Variants in STOM observed in about 807,000 individuals in gnomAD.
STOM encodes erythrocyte band 7 integral membrane protein.
A neutral mutation model predicts 30.6 loss-of-function variants in STOM; 25 were observed. The ratio of observed to expected loss-of-function variants is 0.82; its 90% CI spans 0.60 to 1.14. STOM has a LOEUF of 1.14. STOM is among the 50% of genes most tolerant of loss of function. The probability of loss-of-function intolerance (pLI) is 0.00; values close to 1 mark genes in which losing one functional copy is unlikely to be tolerated. For synonymous variants in STOM, 118 were observed against 130.8 expected (o/e 0.90, Z 0.67); for missense variants, 292 against 365.2 (o/e 0.80, Z 1.63).
chr9:121,367,074 A>C (rs1471137079), intron 1 of STOM, among the ~76,000 whole-genome samples: 2 of 152,194 alleles, frequency 1.3e-5, no homozygotes, highest in Admixed American at 1.3e-4. Flanking sequence ...CCCGGTCTCA[A>C]AAAGAAAAAG....
In STOM at chr9:121,339,827, A is replaced by C; in HGVS notation, c.*1375T>G. 2.5e-6 allele frequency: 3 copies of C among 1,198,880 alleles called. No homozygotes were observed. Among genetic ancestry groups the C allele is most frequent in the Non-Finnish European group, 3.1e-6 (3 of 967,918 alleles). The allele number at this position is 1,198,880 out of a possible 1,614,324, so 74.3% of individuals were successfully genotyped here. On this transcript the variant is annotated 3_prime_UTR_variant, in exon 7 of 7. Coordinates refer to ENST00000286713, the MANE Select transcript of STOM (RefSeq NM_004099.6). The stretch of plus-strand genomic sequence containing the variant: ...GATAGAAGAATGACTAGGTAAATTT[A>C]AAAAGACCTACATCTATATAGATAT...
chr9:121,349,431 A>G, intron 4 of STOM, 108 bp from the exon 5 acceptor site: 1 of 874,194 alleles, frequency 1.1e-6, no homozygotes, highest in South Asian at 1.8e-5. Flanking sequence ...GATTTTCTTT[A>G]GTAAGGCATC....
chr9:121,353,898 G>A (rs1321061573), intron 3 of STOM, among the ~76,000 whole-genome samples: 1 of 152,202 alleles, frequency 6.6e-6, no homozygotes, highest in East Asian at 1.9e-4. Flanking sequence ...CCTTGACTCA[G>A]CCTACGACTA....
chr9:121,365,177 G>A (rs1036218947), intron 1 of STOM, among the ~76,000 whole-genome samples: 1 of 152,006 alleles, frequency 6.6e-6, no homozygotes, highest in African/African-American at 2.4e-5. Flanking sequence ...AAGACAAACT[G>A]AAACAGCAGA....
chr9:121,339,798 A>G lies in STOM; in HGVS notation c.*1404T>C. 8.2e-7 allele frequency: 1 copy of G among 1,215,284 alleles called. No homozygotes were observed. Among genetic ancestry groups the G allele is most frequent in the Non-Finnish European group, 1.0e-6 (1 of 978,232 alleles). The allele number at this position is 1,215,284 out of a possible 1,614,324, so 75.3% of individuals were successfully genotyped here. A position where few individuals can be genotyped will look rare whatever the true frequency, so the allele number is the denominator to read the frequency against. On this transcript the variant is annotated 3_prime_UTR_variant, in exon 7 of 7. Coordinates refer to ENST00000286713, the MANE Select transcript of STOM (RefSeq NM_004099.6). ...CCAGTTCCTCTTTCAGCATCAATATACATGATAGAAGAATGACTAGGTAAA... is the reference window on the plus strand; with the variant it reads ...CCAGTTCCTCTTTCAGCATCAATATGCATGATAGAAGAATGACTAGGTAAA...
intron 6 of STOM, 30 bp downstream of exon 6, chr9:121,347,985 T>G: frequency 6.3e-7 from 1 of 1,578,268 alleles, no homozygotes; most frequent in Non-Finnish European, 8.6e-7. Context: ...GAAAACTCAG[T>G]AAGAAAAACA....
chr9:121,357,098 G>T (rs1564631169), intron 1 of STOM, among the ~76,000 whole-genome samples: 1 of 152,272 alleles, frequency 6.6e-6, no homozygotes, highest in East Asian at 1.9e-4. Flanking sequence ...GTTGTTTAGA[G>T]CCTCTTTTTA....
chr9:121,357,452 T>TATATA (rs1428744396), intron 1 of STOM, among the ~76,000 whole-genome samples: 4 of 144,660 alleles, frequency 2.8e-5, no homozygotes, highest in South Asian at 2.3e-4. Context: ...TATTTATTTA[T>TATATA]TTTTTGAGAC....
intron 1 of STOM, among the ~76,000 whole-genome samples, chr9:121,363,951 G>A (rs1282780040): frequency 6.6e-6 from 1 of 152,170 alleles, no homozygotes; most frequent in African/African-American, 2.4e-5. Context: ...GGTAGAGTAA[G>A]TGAATATAAA....
At chr9:121,355,248 A>T (rs306786) in intron 2 of STOM, among the ~76,000 whole-genome samples, 10,023 of 130,818 alleles carry the variant, frequency 0.077, 422 homozygotes, top group Middle Eastern at 0.12. Context: ...AAAAAAAAAA[A>T]AATAATAATA....
chr9:121,367,866 T>A lies in STOM; in HGVS notation c.61+2261A>T, dbSNP rs2064519976. On this transcript the variant is annotated intron_variant, in intron 1 of 6. Transcript: ENST00000286713. The stretch of plus-strand genomic sequence containing the variant: ...ACAAGGTTCTACATTTTGGTATCCA[T>A]CTCTGGGATAGGGAAAATGATTCAG... Among the ~76,000 whole-genome samples the A allele has an allele frequency of 3.3e-5, 5 of 152,206 alleles. No individual in the cohort carries two copies. In the South Asian group the frequency reaches 1.0e-3, roughly 31 times the overall value.
chr9:121,344,486 G>A (rs2134022291), intron 6 of STOM, among the ~76,000 whole-genome samples: 1 of 152,322 alleles, frequency 6.6e-6, no homozygotes, highest in East Asian at 1.9e-4. Flanking sequence ...CACTGAGCAA[G>A]CTGCCAAAGA....
At chr9:121,359,927 G>A (rs1250700780) in intron 1 of STOM, among the ~76,000 whole-genome samples, 1 of 152,174 alleles carries the variant, frequency 6.6e-6, no homozygotes, top group Non-Finnish European at 1.5e-5. Flanking sequence ...CCTATTTATA[G>A]CAAAAGATAG....
At chr9:121,365,042 A>C (rs2064489417) in intron 1 of STOM, among the ~76,000 whole-genome samples, 1 of 152,142 alleles carries the variant, frequency 6.6e-6, no homozygotes, top group Admixed American at 6.5e-5. Context: ...TGAGTAAATA[A>C]GCTAATATGG....
chr9:121,340,840 C>A lies in STOM; in HGVS notation c.*362G>T, dbSNP rs2064239840. 1 of 1,100,708 alleles carries A rather than the reference C, an allele frequency of 9.1e-7. No homozygotes were observed. Among genetic ancestry groups the A allele is most frequent in the Non-Finnish European group, 1.1e-6 (1 of 898,120 alleles). The allele number at this position is 1,100,708 out of a possible 1,614,324, so 68.2% of individuals were successfully genotyped here. On this transcript the variant is annotated 3_prime_UTR_variant, in exon 7 of 7. Transcript: ENST00000286713. ...TGTAAGGTCATCACTTTCTGCAAAG[C>A]ATTTAGCCAGTCAGCGGTGTCAGGT...
At chr9:121,367,829 T>C (rs1281237299) in intron 1 of STOM, among the ~76,000 whole-genome samples, 1 of 152,192 alleles carries the variant, frequency 6.6e-6, no homozygotes, top group Non-Finnish European at 1.5e-5. Flanking sequence ...TTAAGTAAAG[T>C]ACTGAAGTTA....
chr9:121,346,663 G>A (rs189733864), intron 6 of STOM, among the ~76,000 whole-genome samples: 17 of 152,236 alleles, frequency 1.1e-4, no homozygotes, highest in Non-Finnish European at 1.8e-4. Context: ...TCTTCTAAAC[G>A]TAACAGTTTT....
At chr9:121,365,476 G>T (rs1284069035) in intron 1 of STOM, among the ~76,000 whole-genome samples, 1 of 125,750 alleles carries the variant, frequency 8.0e-6, no homozygotes, top group African/African-American at 2.6e-5. Context: ...CCACTTTTTA[G>T]GTTTTTTTTT....
intron 1 of STOM, among the ~76,000 whole-genome samples, chr9:121,366,868 G>A (rs1309295171): frequency 1.3e-5 from 2 of 151,674 alleles, no homozygotes; most frequent in African/African-American, 2.4e-5. Flanking sequence ...AAGTGGGATC[G>A]CTTGAGTCCA....
Sources: gnomAD v4.1 joint callset for allele counts (sites outside exome capture counted in the v4.1 genomes callset) on GRCh38, gnomAD v4.1.1 for gene constraint, MANE v1.5 for transcripts, NCBI Gene and HGNC (gene_info 2026-07-23, HGNC 2026-07-21) for gene names.